Variants in BTRC observed in about 807,000 individuals in gnomAD.
The protein encoded by BTRC is F-box/WD repeat-containing protein 1A.
In BTRC, 42 loss-of-function variants were observed where a neutral mutation model predicts 85.5. The observed-to-expected ratio is 0.49, with a 90% CI of 0.38 to 0.64. The LOEUF (loss-of-function observed/expected upper bound fraction) is 0.64, where lower values mean the gene tolerates loss of function less well. Ranked by LOEUF, BTRC falls within the 30% of genes least tolerant of loss-of-function variation. The pLI is 0.00. For missense variants in BTRC, 594 were observed against 743.5 expected (o/e 0.80, Z 2.34); for synonymous variants, 255 against 263.3 (o/e 0.97, Z 0.30).
intron 2 of BTRC, among the ~76,000 whole-genome samples, chr10:101,435,837 G>A (rs1314710563): frequency 6.6e-6 from 1 of 151,874 alleles, no homozygotes; most frequent in East Asian, 1.9e-4. Context: ...ATATGTTAAT[G>A]AAATGTCTCA....
intron 13 of BTRC, among the ~76,000 whole-genome samples, chr10:101,547,152 C>G (rs1008331915): frequency 6.6e-6 from 1 of 152,046 alleles, no homozygotes; most frequent in Non-Finnish European, 1.5e-5. Context: ...TCATTTACAA[C>G]AGGTTCATCA....
intron 1 of BTRC, among the ~76,000 whole-genome samples, chr10:101,383,392 C>CT (rs150625153): frequency 0.28 from 41,521 of 146,720 alleles, 6,925 homozygotes; most frequent in Middle Eastern, 0.45. Context: ...ATAAGTCTTC[C>CT]TTTTTAAAAA....
At chr10:101,461,819 T>C in intron 2 of BTRC, 162 bp from the exon 3 acceptor site, 1 of 427,386 alleles carries the variant, frequency 2.3e-6, no homozygotes, top group Non-Finnish European at 4.3e-6. Flanking sequence ...TATGTTTTCT[T>C]TTACATATGT....
chr10:101,411,683 T>C (rs1943783448), intron 1 of BTRC, among the ~76,000 whole-genome samples: 1 of 151,704 alleles, frequency 6.6e-6, no homozygotes. Context: ...TATAGCTGTT[T>C]TAATTTTTAG....
rs1051108223 is a variant in BTRC, at chr10:101,442,281, T to G, written c.156+11829T>G. Among the ~76,000 whole-genome samples, 8 of 137,378 alleles carry G rather than the reference T, an allele frequency of 5.8e-5. No homozygotes were observed. The Admixed American group carries it at 6.0e-4, about 10-fold the overall frequency. The allele number at this position is 137,378 out of a possible 152,430, so 90.1% of individuals were successfully genotyped here. On this transcript the variant is annotated intron_variant, in intron 2 of 14. Transcript: ENST00000370187. The stretch of plus-strand genomic sequence containing the variant: ...ATTAGAATCTCTCTCTCTCTCTCTC[T>G]CTGTCTCTGTGTGTATGTGTGTGTG...
At chr10:101,446,113 C>T (rs1251556389) in intron 2 of BTRC, among the ~76,000 whole-genome samples, 1 of 131,150 alleles carries the variant, frequency 7.6e-6, no homozygotes, top group Non-Finnish European at 1.6e-5. Context: ...CCCCCCCACC[C>T]CCCCAACCCC....
chr10:101,459,603 G>GT (rs1945169905), intron 2 of BTRC, among the ~76,000 whole-genome samples: 1 of 151,944 alleles, frequency 6.6e-6, no homozygotes, highest in Non-Finnish European at 1.5e-5. Context: ...CCCATTTTTT[G>GT]TTTAAGAGTT....
At chr10:101,446,743 T>A (rs1450193690) in intron 2 of BTRC, among the ~76,000 whole-genome samples, 7 of 152,114 alleles carry the variant, frequency 4.6e-5, no homozygotes, top group African/African-American at 1.4e-4. Context: ...CTGACTAGCT[T>A]TATAATGGAA....
intron 5 of BTRC, among the ~76,000 whole-genome samples, chr10:101,522,385 AAAAAAC>A (rs1415879837): frequency 1.5e-5 from 2 of 137,812 alleles, no homozygotes; most frequent in Non-Finnish European, 3.2e-5. Flanking sequence ...AACAAAAAAA[AAAAAAC>A]TCTAGAAATA....
intron 4 of BTRC, among the ~76,000 whole-genome samples, chr10:101,483,035 A>T (rs978624257): frequency 2.6e-5 from 4 of 152,156 alleles, no homozygotes; most frequent in Non-Finnish European, 1.5e-5. Context: ...TATTTATTGA[A>T]TATGGTTCAT....
chr10:101,480,797 G>C (rs1490895543), intron 4 of BTRC, among the ~76,000 whole-genome samples: 3 of 152,268 alleles, frequency 2.0e-5, no homozygotes, highest in Non-Finnish European at 2.9e-5. Flanking sequence ...GAGTTCATCA[G>C]TTAAATGTCT....
intron 1 of BTRC, among the ~76,000 whole-genome samples, chr10:101,389,604 A>G (rs1216547096): frequency 7.1e-6 from 1 of 141,176 alleles, no homozygotes; most frequent in Non-Finnish European, 1.5e-5. Flanking sequence ...GCCTTTTGCC[A>G]AACACCTTTT....
At chr10:101,413,364 A>G (rs1309490402) in intron 1 of BTRC, among the ~76,000 whole-genome samples, 1 of 152,106 alleles carries the variant, frequency 6.6e-6, no homozygotes, top group African/African-American at 2.4e-5. Context: ...CCCAGGCTGG[A>G]GTGCAGTGGT....
intron 1 of BTRC, among the ~76,000 whole-genome samples, chr10:101,403,675 C>T (rs540627031): frequency 8.3e-4 from 126 of 152,208 alleles, no homozygotes; most frequent in African/African-American, 2.8e-3. Context: ...ACTGCAGCCT[C>T]GACCTCTCAG....
rs934692644 is a variant in BTRC at position 101,455,154 on chromosome 10, G to A, written c.157-6827G>A. On this transcript the variant is annotated intron_variant, in intron 2 of 14. Transcript: ENST00000370187. ...ACACCCCAAACTCCTGGGCTTAAGC[G>A]ATCCTCCCGCCTTAGCCTCCTGAGT... Among the ~76,000 whole-genome samples, 15 of 150,568 alleles carry A rather than the reference G, an allele frequency of 1.0e-4. No individual in the cohort carries two copies. In the South Asian group the frequency reaches 1.1e-3, roughly 11 times the overall value.
intron 2 of BTRC, among the ~76,000 whole-genome samples, chr10:101,458,497 A>G (rs1945138201): frequency 1.3e-5 from 2 of 152,188 alleles, no homozygotes; most frequent in Admixed American, 6.5e-5. Context: ...TTCTGTATGT[A>G]AATTTTAATG....
chr10:101,387,482 C>T (rs1482165179), intron 1 of BTRC, among the ~76,000 whole-genome samples: 1 of 122,516 alleles, frequency 8.2e-6, no homozygotes, highest in African/African-American at 3.2e-5. Context: ...GGTCTCATAC[C>T]TTATTTTCTT....
At chr10:101,516,806 T>C (rs2062031010) in intron 4 of BTRC, among the ~76,000 whole-genome samples, 1 of 152,250 alleles carries the variant, frequency 6.6e-6, no homozygotes, top group African/African-American at 2.4e-5. Flanking sequence ...ATAAGTGGAA[T>C]AATTTCATTA....
At chr10:101,505,760 G>A (rs762535279) in intron 4 of BTRC, among the ~76,000 whole-genome samples, 30 of 151,922 alleles carry the variant, frequency 2.0e-4, no homozygotes, top group Non-Finnish European at 3.5e-4. Flanking sequence ...TTACTAAAAT[G>A]TGTCTACTGT....
Sources: allele counts gnomAD v4.1 joint callset (sites outside exome capture counted in the v4.1 genomes callset), GRCh38; gene constraint gnomAD v4.1.1; transcripts MANE v1.5; gene names NCBI Gene and HGNC (gene_info 2026-07-23, HGNC 2026-07-21).